Variants in RMST observed in about 807,000 individuals in gnomAD.
RMST encodes long intergenic non-protein coding RNA 54.
chr12:97,523,725 T>A (rs756800508), intron 10 of RMST, among the ~76,000 whole-genome samples: 1 of 152,104 alleles, frequency 6.6e-6, no homozygotes, highest in Non-Finnish European at 1.5e-5. Flanking sequence ...TCTTATCTCA[T>A]GACTGAGAAA....
At chr12:97,528,813 A>C (rs191855017) in intron 10 of RMST, among the ~76,000 whole-genome samples, 1 of 152,186 alleles carries the variant, frequency 6.6e-6, no homozygotes, top group East Asian at 1.9e-4. Flanking sequence ...TTCTTGAGAA[A>C]CGGCTATGTG....
chr12:97,481,474 A>G (rs1226055358), intron 5 of RMST, among the ~76,000 whole-genome samples: 1 of 152,154 alleles, frequency 6.6e-6, no homozygotes, highest in East Asian at 1.9e-4. Flanking sequence ...CAGGGTGGCC[A>G]GTTACCATGC....
intron 5 of RMST, among the ~76,000 whole-genome samples, chr12:97,475,361 T>G (rs748803499): frequency 2.6e-5 from 4 of 152,144 alleles, no homozygotes; most frequent in Non-Finnish European, 5.9e-5. Flanking sequence ...TGGAAGATCT[T>G]CTCAGCTGAT....
At chr12:97,501,651 G>T (rs1239657009) in intron 10 of RMST, among the ~76,000 whole-genome samples, 1 of 152,090 alleles carries the variant, frequency 6.6e-6, no homozygotes, top group African/African-American at 2.4e-5. Context: ...TCTCCTTGCT[G>T]GGCAGAGCAA....
At chr12:97,468,141 A>G (rs140559021) in intron 5 of RMST, among the ~76,000 whole-genome samples, 1 of 152,096 alleles carries the variant, frequency 6.6e-6, no homozygotes, top group Admixed American at 6.5e-5. Flanking sequence ...CAGGTTTTGT[A>G]TTTAATCATC....
chr12:97,463,021 CTCTCTCTCTCTCT>C (rs1872750046), intron 3 of RMST: 2 of 71,090 alleles, frequency 2.8e-5, no homozygotes, highest in Non-Finnish European at 6.5e-5. Flanking sequence ...TCAGCAGTCT[CTCTCTCTCTCTCT>C]CTCTCTCTCT....
Position 97,540,989 on chromosome 12 carries a change from C to T in RMST, n.1545+10130C>T, listed in dbSNP as rs142691966. The stretch of plus-strand genomic sequence containing the variant: ...ATATAGATATAGATATAGATAGATA[C>T]ACAAGTCCTTTTTGTCCCAGGTGTA... On this transcript the variant is annotated intron_variant and non_coding_transcript_variant, in intron 11 of 13. Transcript: ENST00000640149. Among the ~76,000 whole-genome samples, 1,016 of 121,134 alleles carry T rather than the reference C, an allele frequency of 8.4e-3. 17 individuals are homozygous for T. Among genetic ancestry groups the T allele is most frequent in the Non-Finnish European group, 8.5e-3 (450 of 53,122 alleles). 79.5% of individuals were successfully genotyped at this position (121,134 alleles called of 152,430 possible). A position where few individuals can be genotyped will look rare whatever the true frequency, so the allele number is the denominator to read the frequency against.
intron 10 of RMST, among the ~76,000 whole-genome samples, chr12:97,519,170 G>T (rs1880252559): frequency 6.6e-6 from 1 of 152,068 alleles, no homozygotes; most frequent in Non-Finnish European, 1.5e-5. Flanking sequence ...TGGTACTTAG[G>T]GTTTAGTACT....
At chr12:97,493,539 T>G (rs1877083945) in intron 7 of RMST, among the ~76,000 whole-genome samples, 1 of 152,204 alleles carries the variant, frequency 6.6e-6, no homozygotes, top group African/African-American at 2.4e-5. Context: ...ATGGACTCCT[T>G]GACTGACATT....
intron 4 of RMST, chr12:97,465,546 G>A (rs1440144336): frequency 6.6e-6 from 1 of 152,152 alleles, no homozygotes. Context: ...TGACAAAATA[G>A]GTATCAGGAA....
intron 11 of RMST, among the ~76,000 whole-genome samples, chr12:97,537,025 A>G (rs765421188): frequency 2.0e-5 from 3 of 151,546 alleles, no homozygotes; most frequent in Non-Finnish European, 4.4e-5. Flanking sequence ...AAATGAATGA[A>G]AAAGCAACTA....
At chr12:97,491,817 G>A (rs547205315) in intron 5 of RMST, 36 of 441,628 alleles carry the variant, frequency 8.2e-5, no homozygotes, top group Middle Eastern at 3.6e-4. Context: ...CTTTTTTGTC[G>A]TCATGGGTCA....
chr12:97,481,747 T>C (rs1875313442), intron 5 of RMST, among the ~76,000 whole-genome samples: 1 of 152,198 alleles, frequency 6.6e-6, no homozygotes, highest in South Asian at 2.1e-4. Flanking sequence ...AGCTGAAGCA[T>C]TTTAAAAAAA....
intron 10 of RMST, among the ~76,000 whole-genome samples, chr12:97,510,991 T>C (rs953149903): frequency 2.6e-5 from 4 of 152,128 alleles, no homozygotes; most frequent in Admixed American, 1.3e-4. Flanking sequence ...CATCAATTTC[T>C]GCAGCCACAG....
intron 11 of RMST, among the ~76,000 whole-genome samples, chr12:97,553,150 T>A (rs1475227375): frequency 6.6e-6 from 1 of 152,232 alleles, no homozygotes; most frequent in Non-Finnish European, 1.5e-5. Flanking sequence ...ATAAAAGACC[T>A]ATAATGGTTT....
chr12:97,481,799 A>G (rs193223067), intron 5 of RMST, among the ~76,000 whole-genome samples: 152 of 152,328 alleles, frequency 1.0e-3, no homozygotes, highest in African/African-American at 3.2e-3. Flanking sequence ...TGGGACATTC[A>G]GAAATTTGGG....
intron 11 of RMST, chr12:97,560,525 C>T (rs1263546119): frequency 2.0e-5 from 3 of 152,150 alleles, no homozygotes; most frequent in Admixed American, 1.3e-4. Context: ...TGTATTCTAT[C>T]TCACCCACCA....
intron 10 of RMST, among the ~76,000 whole-genome samples, chr12:97,506,399 C>G (rs1325324968): frequency 1.3e-5 from 2 of 152,246 alleles, no homozygotes; most frequent in East Asian, 3.9e-4. Flanking sequence ...ATATAAAATA[C>G]TTATTTATCA....
intron 4 of RMST, among the ~76,000 whole-genome samples, chr12:97,464,321 C>T (rs1204651963): frequency 1.3e-5 from 2 of 152,138 alleles, no homozygotes; most frequent in African/African-American, 4.8e-5. Context: ...TGATACAACA[C>T]ATTGTTTAAA....
Sources: gnomAD v4.1 joint callset for allele counts (sites outside exome capture counted in the v4.1 genomes callset) on GRCh38, gnomAD v4.1.1 for gene constraint, MANE v1.5 for transcripts, NCBI Gene and HGNC (gene_info 2026-07-23, HGNC 2026-07-21) for gene names.